GLI2: variants seen among roughly 807,000 people sequenced by gnomAD.
GLI2 encodes GLI family zinc finger 2.
Under a neutral mutation model 78.9 loss-of-function variants are expected in GLI2, and 22 were observed. The observed-to-expected ratio is 0.28, with a 90% confidence interval of 0.20 to 0.40. GLI2 has a LOEUF of 0.40. Ranked by LOEUF, GLI2 falls within the 10% of genes least tolerant of loss-of-function variation. GLI2 has a pLI of 1.00. For synonymous variants in GLI2, 974 were observed against 963.7 expected (o/e 1.01, Z -0.20); for missense variants, 2,097 against 2,213.2 (o/e 0.95, Z 1.05).
In GLI2 at chr2:120,991,283, G is replaced by T. The variant is rs770505059; in HGVS notation, c.*608G>T. The T allele has an allele frequency of 6.6e-6, 1 of 152,670 alleles. No homozygotes were observed. Among genetic ancestry groups the T allele is most frequent in the Non-Finnish European group, 1.5e-5 (1 of 68,382 alleles). 9.5% of individuals were successfully genotyped at this position (152,670 alleles called of 1,614,324 possible). On this transcript the variant is annotated 3_prime_UTR_variant, in exon 14 of 14. Coordinates refer to ENST00000361492, the MANE Select transcript of GLI2 (RefSeq NM_001374353.1). ...TTGGTAGAGCTGGCTCTTCTACTCC[G>T]TAAAGCCGAGTCTGGGACTGGCAGC... is the stretch of plus-strand genomic sequence containing the variant.
At position 120,938,085 on chromosome 2, in the gene GLI2, A is replaced by G. The variant is rs527805463; in HGVS notation, c.254+10619A>G. Among the ~76,000 whole-genome samples the G allele has an allele frequency of 9.8e-5, 15 of 152,306 alleles. No individual in the cohort carries two copies. The South Asian group carries it at 3.1e-3, about 32-fold the overall frequency. ...GATTTGGTTCAGCAGTGCTCAGCCC[A>G]TGGCAGCTTCTATTACAGACAAAGT... On this transcript the variant is annotated intron_variant, in intron 3 of 13. Coordinates refer to ENST00000361492, the MANE Select transcript of GLI2 (RefSeq NM_001374353.1).
intron 11 of GLI2, 99 bp downstream of exon 11, chr2:120,982,979 A>G: frequency 8.6e-7 from 1 of 1,156,084 alleles, no homozygotes; most frequent in Non-Finnish European, 1.3e-6. Flanking sequence ...CAGGTGCCCC[A>G]TGTCCCGCCC....
intron 2 of GLI2, among the ~76,000 whole-genome samples, chr2:120,908,770 C>G (rs886079162): frequency 6.6e-6 from 1 of 152,212 alleles, no homozygotes; most frequent in African/African-American, 2.4e-5. Context: ...TTGTGTCACT[C>G]CAGCCTGGAG....
chr2:120,951,815 G>A (rs185687668), intron 4 of GLI2: 6 of 186,524 alleles, frequency 3.2e-5, no homozygotes, highest in Admixed American at 1.2e-4. Flanking sequence ...AAGGCGGAGT[G>A]GGCTGGCTGC....
At chr2:120,778,989 C>T (rs1683761095) in intron 1 of GLI2, among the ~76,000 whole-genome samples, 1 of 152,082 alleles carries the variant, frequency 6.6e-6, no homozygotes, top group Non-Finnish European at 1.5e-5. Flanking sequence ...GTTAAGAGGC[C>T]CCATCATGGC....
At chr2:120,875,381 C>T (rs1310164990) in intron 2 of GLI2, among the ~76,000 whole-genome samples, 1 of 152,174 alleles carries the variant, frequency 6.6e-6, no homozygotes, top group Non-Finnish European at 1.5e-5. Context: ...GCTCTGGGAA[C>T]GAGAGGGACC....
At chr2:120,826,133 T>G (rs1686048173) in intron 2 of GLI2, among the ~76,000 whole-genome samples, 1 of 146,222 alleles carries the variant, frequency 6.8e-6, no homozygotes, top group Admixed American at 6.8e-5. Flanking sequence ...CTGGGTGGGG[T>G]GGGAGGGAGC....
Position 120,984,651 on chromosome 2 carries a change from C to G in GLI2, c.1813C>G (p.Pro605Ala). Residue 605 changes from proline to alanine, a missense_variant, in exon 12 of 14, where the codon CCT (proline) becomes GCT (alanine). Physicochemically the swap from Pro to Ala is conservative, Grantham distance 27. This residue lies in a region of GLI2 where 57 missense variants were observed against 44.5 expected (regional missense o/e 1.28). Transcript: ENST00000361492. ...ENGDSEAGTE[P>A]GGPESTEASS... ...TGGGGACAGTGAGGCCGGCACGGAGCCTGGCGGCCCAGAGAGCACCGAGGC... is the reference window on the plus strand; with the variant it reads ...TGGGGACAGTGAGGCCGGCACGGAGGCTGGCGGCCCAGAGAGCACCGAGGC... 2.5e-6 allele frequency: 4 copies of G among 1,614,034 alleles called. No homozygotes were observed.
intron 2 of GLI2, among the ~76,000 whole-genome samples, chr2:120,832,949 C>A (rs934417790): frequency 9.9e-5 from 15 of 152,082 alleles, no homozygotes; most frequent in African/African-American, 3.1e-4. Flanking sequence ...AAAGGACCTT[C>A]CTGCCTGAAG....
chr2:120,819,560 A>T (rs1192415528), intron 2 of GLI2, among the ~76,000 whole-genome samples: 2 of 151,668 alleles, frequency 1.3e-5, no homozygotes, highest in Non-Finnish European at 2.9e-5. Flanking sequence ...TTTTCTATCC[A>T]CCCTCGTTTT....
In GLI2 at chr2:120,804,025, T is replaced by A. The variant is rs1402905851; in HGVS notation, c.148+6557T>A. On this transcript the variant is annotated intron_variant, in intron 2 of 13. Transcript: ENST00000361492. ...AGGAGGCGTGTGTGCTACCTACTCA[T>A]ACTGACAGCCCTCCTATCTTCTTCA... Among the ~76,000 whole-genome samples the A allele has an allele frequency of 4.6e-5, 7 of 152,290 alleles. No individual in the cohort carries two copies. The East Asian group carries it at 1.3e-3, about 29-fold the overall frequency.
At chr2:120,970,325 C>T in intron 6 of GLI2, 68 bp from the exon 7 acceptor site, 1 of 851,554 alleles carries the variant, frequency 1.2e-6, no homozygotes, top group East Asian at 2.5e-5. Flanking sequence ...TCTCTCTGTC[C>T]AGGAAGTGTC....
At chr2:120,748,616 T>C (rs952116411) in intron 1 of GLI2, among the ~76,000 whole-genome samples, 2 of 152,194 alleles carry the variant, frequency 1.3e-5, no homozygotes, top group African/African-American at 4.8e-5. Flanking sequence ...CTTCAGGTCA[T>C]GGGACATAAA....
chr2:120,932,911 G>A (rs919114833), intron 3 of GLI2, among the ~76,000 whole-genome samples: 7 of 152,162 alleles, frequency 4.6e-5, no homozygotes, highest in Non-Finnish European at 7.3e-5. Context: ...GCTGTGGTGC[G>A]GTGTGGTGGG....
chr2:120,982,698 T>C lies in GLI2; in HGVS notation c.1468-18T>C. 6.2e-7 allele frequency: 1 copy of C among 1,602,940 alleles called. No individual in the cohort carries two copies. The highest frequency in any genetic ancestry group is 1.1e-5 in the South Asian group (1 of 89,904). ...GGCCCCCTGGGGTGCCTTGACTGAC[T>C]GAACCGCCTCCTTCTAGTTCGAGGG... On this transcript the variant is annotated intron_variant, in intron 10 of 13. Transcript: ENST00000361492.
At chr2:120,888,410 A>G (rs1440061813) in intron 2 of GLI2, among the ~76,000 whole-genome samples, 2 of 152,232 alleles carry the variant, frequency 1.3e-5, no homozygotes, top group African/African-American at 4.8e-5. Flanking sequence ...ACAAAGCCCA[A>G]GGGTTCCACA....
chr2:120,787,770 T>TG (rs1684038888), intron 1 of GLI2, among the ~76,000 whole-genome samples: 1 of 152,170 alleles, frequency 6.6e-6, no homozygotes, highest in Admixed American at 6.5e-5. Flanking sequence ...TCAGCGGTGC[T>TG]GGGGGAGTGG....
chr2:120,920,417 C>T (rs1284137554), intron 2 of GLI2, among the ~76,000 whole-genome samples: 1 of 152,222 alleles, frequency 6.6e-6, no homozygotes, highest in Non-Finnish European at 1.5e-5. Flanking sequence ...CTACCTCCTT[C>T]TCTCCCCCAG....
At chr2:120,877,827 A>G (rs1402234660) in intron 2 of GLI2, among the ~76,000 whole-genome samples, 1 of 152,114 alleles carries the variant, frequency 6.6e-6, no homozygotes, top group African/African-American at 2.4e-5. Context: ...GCTGCTTATG[A>G]ACATCCTTGT....
Sources: allele counts gnomAD v4.1 joint callset (sites outside exome capture counted in the v4.1 genomes callset), GRCh38; gene constraint gnomAD v4.1.1; regional missense constraint gnomAD v4.1.1; transcripts MANE v1.5; gene names NCBI Gene and HGNC (gene_info 2026-07-23, HGNC 2026-07-21).